KLHL1: variants seen among roughly 807,000 people sequenced by gnomAD.
KLHL1 encodes the protein kelch like family member 1, also known as kelch-like protein 1.
A neutral mutation model predicts 77.7 loss-of-function variants in KLHL1; 47 were observed. The ratio of observed to expected loss-of-function variants is 0.60; its 90% CI spans 0.48 to 0.77. The LOEUF (loss-of-function observed/expected upper bound fraction) is 0.77. Among genes scored for constraint, KLHL1 ranks in the 30% least tolerant of loss-of-function variants. KLHL1 has a pLI of 0.00. For missense variants in KLHL1, 925 were observed against 910.8 expected (o/e 1.02, Z -0.20); for synonymous variants, 360 against 325.2 (o/e 1.11, Z -1.15).
chr13:69,916,759 T>TG (rs1037154672), intron 4 of KLHL1, among the ~76,000 whole-genome samples: 8 of 149,154 alleles, frequency 5.4e-5, no homozygotes, highest in Non-Finnish European at 1.0e-4. Flanking sequence ...TAAAATAAAG[T>TG]GAAAAAAAAA....
intron 4 of KLHL1, among the ~76,000 whole-genome samples, chr13:69,930,705 AAGTT>A (rs1052661023): frequency 5.9e-5 from 9 of 151,764 alleles, no homozygotes; most frequent in South Asian, 2.1e-4. Flanking sequence ...TAAAATGTGA[AAGTT>A]AGTAGGATAA....
chr13:69,721,716 G>C (rs1873073873), intron 8 of KLHL1, among the ~76,000 whole-genome samples: 1 of 152,010 alleles, frequency 6.6e-6, no homozygotes, highest in African/African-American at 2.4e-5. Flanking sequence ...TTTTTCTAAA[G>C]CTGTTTATGT....
At chr13:69,837,622 ATG>A (rs911961087) in intron 6 of KLHL1, among the ~76,000 whole-genome samples, 12 of 135,050 alleles carry the variant, frequency 8.9e-5, no homozygotes, top group Admixed American at 4.4e-4. Context: ...CTCTATATAT[ATG>A]TGTGTGTATA....
chr13:69,904,981 A>G (rs1881999501), intron 4 of KLHL1, among the ~76,000 whole-genome samples: 1 of 152,164 alleles, frequency 6.6e-6, no homozygotes, highest in South Asian at 2.1e-4. Context: ...AAAACTAACT[A>G]TATCATGGCT....
At chr13:69,831,537 C>T (rs1878761552) in intron 6 of KLHL1, among the ~76,000 whole-genome samples, 1 of 149,770 alleles carries the variant, frequency 6.7e-6, no homozygotes, top group Non-Finnish European at 1.5e-5. Context: ...AGAATTGGTA[C>T]CAATTCTATT....
At chr13:70,022,212 G>C (rs1885816890) in intron 1 of KLHL1, among the ~76,000 whole-genome samples, 1 of 151,544 alleles carries the variant, frequency 6.6e-6, no homozygotes. Flanking sequence ...AGTTGTTCTA[G>C]CACTGTTTGT....
chr13:70,051,629 A>T (rs927742078), intron 1 of KLHL1, among the ~76,000 whole-genome samples: 11 of 152,062 alleles, frequency 7.2e-5, no homozygotes, highest in Non-Finnish European at 1.6e-4. Context: ...AGTGAGTTAC[A>T]CATGAATTGA....
intron 1 of KLHL1, among the ~76,000 whole-genome samples, chr13:70,068,752 C>T (rs1887072976): frequency 6.6e-6 from 1 of 152,150 alleles, no homozygotes; most frequent in South Asian, 2.1e-4. Context: ...ATCTTGTTTG[C>T]TAATGCTATC....
chr13:70,071,723 A>G (rs1307016322), intron 1 of KLHL1, among the ~76,000 whole-genome samples: 5 of 152,146 alleles, frequency 3.3e-5, no homozygotes, highest in Non-Finnish European at 7.4e-5. Flanking sequence ...GAGACTCCTA[A>G]CTAACATATA....
At chr13:70,012,959 G>T (rs908077537) in intron 1 of KLHL1, among the ~76,000 whole-genome samples, 1 of 151,766 alleles carries the variant, frequency 6.6e-6, no homozygotes, top group East Asian at 1.9e-4. Context: ...TTAATATTTT[G>T]AACCTAAGCC....
At chr13:69,833,287 T>G (rs1166066117) in intron 6 of KLHL1, among the ~76,000 whole-genome samples, 1 of 151,918 alleles carries the variant, frequency 6.6e-6, no homozygotes, top group African/African-American at 2.4e-5. Context: ...CATCAAAAAG[T>G]GGGCTAAGGA....
intron 4 of KLHL1, among the ~76,000 whole-genome samples, chr13:69,899,488 T>G (rs1881781753): frequency 6.6e-6 from 1 of 152,136 alleles, no homozygotes; most frequent in Non-Finnish European, 1.5e-5. Flanking sequence ...ACAAGAAATT[T>G]GTGAAAAAGG....
intron 1 of KLHL1, among the ~76,000 whole-genome samples, chr13:69,995,221 C>A (rs1885121955): frequency 1.3e-5 from 2 of 152,112 alleles, no homozygotes; most frequent in South Asian, 4.1e-4. Context: ...TATTTACTAT[C>A]TGGTATTTTA....
At chr13:69,881,945 G>C (rs1370163100) in intron 5 of KLHL1, among the ~76,000 whole-genome samples, 3 of 152,110 alleles carry the variant, frequency 2.0e-5, no homozygotes, top group African/African-American at 7.2e-5. Flanking sequence ...ACTGTATTAT[G>C]ATTAGGCTTT....
At chr13:69,805,783 AATG>A (rs1302321323) in intron 6 of KLHL1, among the ~76,000 whole-genome samples, 1 of 151,206 alleles carries the variant, frequency 6.6e-6, no homozygotes, top group Non-Finnish European at 1.5e-5. Flanking sequence ...ACTGATTCTG[AATG>A]ATATTACTTA....
intron 1 of KLHL1, among the ~76,000 whole-genome samples, chr13:70,064,799 A>T (rs1320800308): frequency 1.3e-5 from 2 of 152,184 alleles, no homozygotes; most frequent in African/African-American, 2.4e-5. Flanking sequence ...GGTGAGAGAA[A>T]CTGAATACTA....
intron 6 of KLHL1, among the ~76,000 whole-genome samples, chr13:69,834,618 C>A (rs1268063489): frequency 1.3e-5 from 2 of 152,016 alleles, no homozygotes; most frequent in Non-Finnish European, 2.9e-5. Flanking sequence ...AAATTACTTG[C>A]AATTTAAATT....
At chr13:69,874,983 T>C (rs17085570) in intron 5 of KLHL1, among the ~76,000 whole-genome samples, 15,520 of 152,188 alleles carry the variant, frequency 0.1, 1,610 homozygotes, top group African/African-American at 0.27. Flanking sequence ...TGTAATTTGT[T>C]TCTACATAGC....
chr13:70,066,133 T>G (rs980572222), intron 1 of KLHL1, among the ~76,000 whole-genome samples: 1 of 152,182 alleles, frequency 6.6e-6, no homozygotes, highest in Non-Finnish European at 1.5e-5. Flanking sequence ...GTTTGCAAAT[T>G]TGCCCTGTGG....
Sources: gnomAD v4.1 joint callset for allele counts (sites outside exome capture counted in the v4.1 genomes callset) on GRCh38, gnomAD v4.1.1 for gene constraint, MANE v1.5 for transcripts, NCBI Gene and HGNC (gene_info 2026-07-23, HGNC 2026-07-21) for gene names.